The following FAM120B variants were observed in gnomAD, a reference collection of about 807,000 sequenced individuals.
FAM120B encodes the protein constitutive coactivator of peroxisome proliferator-activated receptor gamma.
In FAM120B, 83 loss-of-function variants were observed where a neutral mutation model predicts 96.3. The ratio of observed to expected loss-of-function variants is 0.86; its 90% CI spans 0.72 to 1.03. FAM120B has a LOEUF of 1.03. FAM120B is among the 50% of genes least tolerant of loss of function. The pLI is 0.00. For missense variants in FAM120B, 1,027 were observed against 1,121.2 expected (o/e 0.92, Z 1.20); for synonymous variants, 407 against 402.7 (o/e 1.01, Z -0.13).
intron 6 of FAM120B, among the ~76,000 whole-genome samples, chr6:170,361,737 C>CT (rs1788474133): frequency 6.6e-6 from 1 of 152,178 alleles, no homozygotes; most frequent in African/African-American, 2.4e-5. Flanking sequence ...GTGTGTACAA[C>CT]CCTTGTGATC....
intron 6 of FAM120B, among the ~76,000 whole-genome samples, chr6:170,358,611 T>G (rs556102319): frequency 1.9e-4 from 29 of 152,350 alleles, no homozygotes; most frequent in Non-Finnish European, 4.0e-4. Context: ...TCTATAAACC[T>G]TATTAATTTC....
intron 6 of FAM120B, among the ~76,000 whole-genome samples, chr6:170,374,182 C>A (rs1789374192): frequency 6.6e-6 from 1 of 152,234 alleles, no homozygotes; most frequent in African/African-American, 2.4e-5. Context: ...TTGGCAAGAG[C>A]ACGTCTCAGG....
In FAM120B at chr6:170,317,438, T is replaced by C; in HGVS notation, c.48T>C (p.His16=). The C allele has an allele frequency of 1.2e-6, 2 of 1,614,098 alleles. No homozygotes were observed. Among genetic ancestry groups the C allele is most frequent in the South Asian group, 1.1e-5 (1 of 91,084 alleles). Residue 16 remains histidine (H), a synonymous_variant, in exon 2 of 11, where the codon CAT becomes CAC. Transcript: ENST00000476287. The part of the protein sequence containing the change: ...LQGFVGSTCP[H]ICTVVNFKEL... ...GATTTGTGGGAAGTACCTGCCCACA[T>C]ATATGTACAGTAGTAAATTTCAAAG...
chr6:170,379,755 C>T (rs75930942), intron 6 of FAM120B, among the ~76,000 whole-genome samples: 2,526 of 152,174 alleles, frequency 0.017, 41 homozygotes, highest in African/African-American at 0.042. Flanking sequence ...AGAAAGTGTT[C>T]GTAGGCTTCC....
intron 4 of FAM120B, among the ~76,000 whole-genome samples, chr6:170,331,620 C>G (rs1786042385): frequency 6.6e-6 from 1 of 152,162 alleles, no homozygotes; most frequent in Non-Finnish European, 1.5e-5. Flanking sequence ...TATGTATTTT[C>G]ATCTTATAGT....
intron 6 of FAM120B, among the ~76,000 whole-genome samples, chr6:170,373,499 C>T (rs1050259324): frequency 2.6e-5 from 4 of 152,202 alleles, no homozygotes; most frequent in African/African-American, 7.2e-5. Flanking sequence ...GATTTTACTC[C>T]TGCAGGCTGT....
chr6:170,330,505 C>A lies in FAM120B; in HGVS notation c.1972C>A (p.Leu658Met), dbSNP rs1362667545. Residue 658 changes from leucine to methionine, a missense_variant, in exon 4 of 11, where the codon CTG (leucine) becomes ATG (methionine). Around this residue, in one of 3 missense-constraint regions of FAM120B, gnomAD observed 880 missense variants for 980.9 expected, o/e 0.90. Coordinates refer to ENST00000476287, the MANE Select transcript of FAM120B (RefSeq NM_032448.3). ...GTGGTTTGTGTATCCTGGGAACCCACTGAGGCACCCGGACCTCGTCAGGCC... is the reference window on the plus strand; with the variant it reads ...GTGGTTTGTGTATCCTGGGAACCCAATGAGGCACCCGGACCTCGTCAGGCC... ...KEWFVYPGNP[L>M]RHPDLVRPLQ... The A allele has an allele frequency of 1.9e-6, 3 of 1,614,192 alleles. No homozygotes were observed. Among genetic ancestry groups the A allele is most frequent in the South Asian group, 2.2e-5 (2 of 91,086 alleles).
intron 1 of FAM120B, among the ~76,000 whole-genome samples, chr6:170,311,355 A>G (rs374624954): frequency 1.0e-3 from 153 of 152,358 alleles, no homozygotes; most frequent in African/African-American, 3.4e-3. Flanking sequence ...GGTTCTAGAC[A>G]TACTGAAGGT....
chr6:170,384,367 G>A (rs1354790216), intron 6 of FAM120B, among the ~76,000 whole-genome samples: 6 of 152,032 alleles, frequency 3.9e-5, no homozygotes, highest in South Asian at 2.1e-4. Flanking sequence ...ATCTATAGTC[G>A]TTTCAAAATA....
chr6:170,395,019 G>A (rs1303502451), intron 8 of FAM120B, among the ~76,000 whole-genome samples: 1 of 152,244 alleles, frequency 6.6e-6, no homozygotes, highest in Admixed American at 6.5e-5. Flanking sequence ...AGGACAAGGT[G>A]TCATGGACTG....
intron 8 of FAM120B, among the ~76,000 whole-genome samples, chr6:170,393,002 C>T (rs1043632116): frequency 1.3e-5 from 2 of 152,162 alleles, no homozygotes; most frequent in Non-Finnish European, 2.9e-5. Context: ...TGTTTCCTTA[C>T]CTGGTTGGCA....
At chr6:170,367,689 A>G (rs906237109) in intron 6 of FAM120B, among the ~76,000 whole-genome samples, 2 of 152,262 alleles carry the variant, frequency 1.3e-5, no homozygotes, top group African/African-American at 4.8e-5. Flanking sequence ...GCGTGAATGT[A>G]GCAAGTTTTA....
intron 1 of FAM120B, among the ~76,000 whole-genome samples, chr6:170,315,277 C>G (rs1461090401): frequency 6.6e-6 from 1 of 152,192 alleles, no homozygotes; most frequent in Non-Finnish European, 1.5e-5. Flanking sequence ...TAAAGCCAGG[C>G]ATAGAGCAGT....
intron 9 of FAM120B, among the ~76,000 whole-genome samples, chr6:170,400,414 T>C (rs1471468985): frequency 6.6e-6 from 1 of 152,150 alleles, no homozygotes; most frequent in Non-Finnish European, 1.5e-5. Context: ...CTGGGAATGA[T>C]AAGAGTCACA....
intron 6 of FAM120B, among the ~76,000 whole-genome samples, chr6:170,376,432 C>T (rs568625624): frequency 8.1e-4 from 122 of 151,482 alleles, no homozygotes; most frequent in African/African-American, 2.8e-3. Flanking sequence ...CATTGAAGGA[C>T]CAGCAGAAAG....
intron 7 of FAM120B, among the ~76,000 whole-genome samples, chr6:170,389,047 T>C (rs1790345740): frequency 2.0e-5 from 3 of 152,138 alleles, no homozygotes; most frequent in Admixed American, 1.3e-4. Context: ...CATCCTCACA[T>C]TGAGTGGGCT....
intron 8 of FAM120B, among the ~76,000 whole-genome samples, chr6:170,394,847 G>A (rs1292944492): frequency 6.6e-6 from 1 of 152,254 alleles, no homozygotes; most frequent in African/African-American, 2.4e-5. Flanking sequence ...TCACAGTGTG[G>A]CCCACCTCGC....
intron 1 of FAM120B, among the ~76,000 whole-genome samples, chr6:170,308,775 C>T (rs981188136): frequency 6.6e-6 from 1 of 152,214 alleles, no homozygotes; most frequent in Non-Finnish European, 1.5e-5. Flanking sequence ...GACACCTTCC[C>T]TTCCCTACCT....
At chr6:170,328,548 T>G (rs945769701) in intron 3 of FAM120B, among the ~76,000 whole-genome samples, 1 of 152,204 alleles carries the variant, frequency 6.6e-6, no homozygotes, top group East Asian at 1.9e-4. Flanking sequence ...GTTACGTGGC[T>G]TTTCTCCTCT....
Sources: gnomAD v4.1 joint callset for allele counts (sites outside exome capture counted in the v4.1 genomes callset) on GRCh38, gnomAD v4.1.1 for gene constraint, gnomAD v4.1.1 regional missense constraint, MANE v1.5 for transcripts, NCBI Gene and HGNC (gene_info 2026-07-23, HGNC 2026-07-21) for gene names.